Variants in TUSC3 observed in about 807,000 individuals in gnomAD.
TUSC3 encodes tumor suppressor candidate 3, also known as dolichyl-diphosphooligosaccharide--protein glycosyltransferase subunit TUSC3.
Under a neutral mutation model 44.8 loss-of-function variants are expected in TUSC3, and 45 were observed. That is an observed-to-expected ratio of 1.00 (90% CI 0.79 to 1.29). TUSC3 has a LOEUF of 1.29. Ranked by LOEUF, TUSC3 falls within the 50% of genes most tolerant of loss-of-function variation. The probability of loss-of-function intolerance (pLI) is 0.00; values close to 1 mark genes in which losing one functional copy is unlikely to be tolerated. For missense variants in TUSC3, 519 were observed against 437.9 expected, an observed-to-expected ratio of 1.19 and a Z score of -1.65; for synonymous variants, 212 against 152.9, an observed-to-expected ratio of 1.39 and a Z score of -2.85.
At chr8:15,837,177 G>C in the TUSC3 span, among the ~76,000 whole-genome samples, 2 of 151,602 alleles carry the variant, frequency 1.3e-5, no homozygotes, top group Non-Finnish European at 1.5e-5. Flanking sequence ...TAAATCAAAC[G>C]ATAATTTGAT....
At chr8:15,582,641 TA>T (rs1332509144) in intron 1 of TUSC3, among the ~76,000 whole-genome samples, 1 of 152,124 alleles carries the variant, frequency 6.6e-6, no homozygotes, top group Non-Finnish European at 1.5e-5. Context: ...GTCAAGAGGC[TA>T]GGGGGATAAA....
At chr8:15,587,538 G>A (rs1453255777) in intron 1 of TUSC3, among the ~76,000 whole-genome samples, 1 of 152,078 alleles carries the variant, frequency 6.6e-6, no homozygotes, top group Non-Finnish European at 1.5e-5. Context: ...AGCATATCCA[G>A]CACCCCAAAT....
At position 15,515,581 on chromosome 8, in the gene TUSC3, A is replaced by G. The variant is rs6986259; in HGVS notation, n.189+32098A>G. Among the ~76,000 whole-genome samples, 1,483 of 152,234 alleles carry G rather than the reference A, an allele frequency of 9.7e-3. 29 individuals are homozygous for G. Among genetic ancestry groups the G allele is most frequent in the African/African-American group, 0.034 (1,425 of 41,538 alleles). Reference sequence around the variant, plus strand: ...ACTGTCAACACCAGCCTAGAGCAAAATATCATTGGAGTTTTTATTAATCAA... The same window carrying G: ...ACTGTCAACACCAGCCTAGAGCAAAGTATCATTGGAGTTTTTATTAATCAA... On this transcript the variant is annotated intron_variant and non_coding_transcript_variant, in intron 2 of 5. Coordinates refer to the TUSC3 transcript ENST00000503191.
At chr8:15,646,733 A>T (rs989568309) in intron 2 of TUSC3, among the ~76,000 whole-genome samples, 1 of 152,138 alleles carries the variant, frequency 6.6e-6, no homozygotes, top group East Asian at 1.9e-4. Context: ...CAGGTAGGCT[A>T]GGCCAGAGAT....
In TUSC3 at chr8:15,764,261, TA is replaced by T. The variant is rs774253462; in HGVS notation, c.*108del. ...ATAAAGTGAATGTTTACCATGAAGA[TA>T]AACTGTTCCTGACTTTATACTATTT... On this transcript the variant is annotated 3_prime_UTR_variant, in exon 11 of 11. Coordinates refer to ENST00000503731, the MANE Select transcript of TUSC3 (RefSeq NM_006765.4). 5 of 1,591,356 alleles carry T rather than the reference TA, an allele frequency of 3.1e-6. No individual in the cohort carries two copies. In the Admixed American group the frequency reaches 8.4e-5, roughly 27 times the overall value.
chr8:15,574,294 A>G (rs1264918601), intron 1 of TUSC3, among the ~76,000 whole-genome samples: 1 of 152,066 alleles, frequency 6.6e-6, no homozygotes, highest in Non-Finnish European at 1.5e-5. Context: ...TGCATTCTTC[A>G]TCGTTGCTAC....
At chr8:15,510,648 A>G (rs1453788273) in intron 2 of TUSC3, among the ~76,000 whole-genome samples, 1 of 152,162 alleles carries the variant, frequency 6.6e-6, no homozygotes, top group Non-Finnish European at 1.5e-5. Flanking sequence ...GATAAATCTG[A>G]TCAAACATTT....
chr8:15,458,093 T>A (rs909076854), intron 1 of TUSC3, among the ~76,000 whole-genome samples: 1 of 151,800 alleles, frequency 6.6e-6, no homozygotes, highest in African/African-American at 2.4e-5. Flanking sequence ...AGGAAAGCAA[T>A]GAAATGAGGA....
chr8:15,584,611 C>T (rs190273255), intron 1 of TUSC3, among the ~76,000 whole-genome samples: 6 of 151,942 alleles, frequency 3.9e-5, no homozygotes, highest in African/African-American at 1.4e-4. Flanking sequence ...TAAAGGCTTC[C>T]TAGGTAATTG....
chr8:15,645,945 T>C (rs1259567042), intron 2 of TUSC3, among the ~76,000 whole-genome samples: 1 of 152,116 alleles, frequency 6.6e-6, no homozygotes, highest in African/African-American at 2.4e-5. Context: ...AGCTTAAGGG[T>C]ATTTATGATA....
At chr8:15,449,294 T>A (rs936044685) in intron 1 of TUSC3, among the ~76,000 whole-genome samples, 17 of 152,216 alleles carry the variant, frequency 1.1e-4, no homozygotes, top group African/African-American at 4.1e-4. Context: ...TTAAGCTTCA[T>A]GCCTTTTCTT....
chr8:15,799,832 T>A, the TUSC3 span, among the ~76,000 whole-genome samples: 4 of 152,194 alleles, frequency 2.6e-5, no homozygotes, highest in South Asian at 8.3e-4. Flanking sequence ...TCGATAGACC[T>A]CATAAGACCC....
the TUSC3 span, among the ~76,000 whole-genome samples, chr8:15,850,187 T>A: frequency 6.6e-6 from 1 of 151,434 alleles, no homozygotes; most frequent in East Asian, 1.9e-4. Context: ...CCTTTCCCAA[T>A]AAGGTTTATG....
At chr8:15,758,667 T>G (rs1027393780) in intron 10 of TUSC3, among the ~76,000 whole-genome samples, 7 of 152,136 alleles carry the variant, frequency 4.6e-5, no homozygotes, top group African/African-American at 1.7e-4. Flanking sequence ...AGTTCTGAAC[T>G]GGCTCTTCAT....
At chr8:15,733,475 G>T in intron 7 of TUSC3, 2 of 341,260 alleles carry the variant, frequency 5.9e-6, no homozygotes, top group Non-Finnish European at 1.1e-5. Context: ...GAAAAGCTGT[G>T]TTGAGATCAT....
At chr8:15,820,409 T>A in the TUSC3 span, among the ~76,000 whole-genome samples, 1 of 151,252 alleles carries the variant, frequency 6.6e-6, no homozygotes, top group Non-Finnish European at 1.5e-5. Flanking sequence ...CTTACCAGGT[T>A]CAAGCGATCA....
At chr8:15,592,019 A>T (rs1803863413) in intron 1 of TUSC3, among the ~76,000 whole-genome samples, 1 of 152,148 alleles carries the variant, frequency 6.6e-6, no homozygotes, top group Non-Finnish European at 1.5e-5. Context: ...TAGGTAAGAG[A>T]TATTGATGGC....
intron 5 of TUSC3, among the ~76,000 whole-genome samples, chr8:15,663,660 A>G (rs952542930): frequency 2.6e-5 from 4 of 151,922 alleles, no homozygotes; most frequent in South Asian, 4.1e-4. Context: ...TTTTTTAAAG[A>G]AAGTTTCTTA....
intron 1 of TUSC3, among the ~76,000 whole-genome samples, chr8:15,456,906 TA>T (rs1271535039): frequency 2.0e-5 from 3 of 152,030 alleles, no homozygotes; most frequent in South Asian, 2.1e-4. Flanking sequence ...TTGACTTGAA[TA>T]AAAAAATATT....
Sources: gnomAD v4.1 joint callset for allele counts (sites outside exome capture counted in the v4.1 genomes callset) on GRCh38, gnomAD v4.1.1 for gene constraint, MANE v1.5 for transcripts, NCBI Gene and HGNC (gene_info 2026-07-23, HGNC 2026-07-21) for gene names.